The following ROBO1 variants were observed in gnomAD, a reference collection of about 807,000 sequenced individuals.
ROBO1 encodes roundabout guidance receptor 1.
ROBO1 carries 149 observed loss-of-function variants against 195.9 expected under a neutral mutation model. That is an observed-to-expected ratio of 0.76 (90% CI 0.67 to 0.87). The LOEUF (loss-of-function observed/expected upper bound fraction) is 0.87, where lower values mean the gene tolerates loss of function less well. Among genes scored for constraint, ROBO1 ranks in the 40% least tolerant of loss-of-function variants. The probability of loss-of-function intolerance (pLI) is 0.00; values close to 1 mark genes in which losing one functional copy is unlikely to be tolerated. For synonymous variants in ROBO1, 816 were observed against 733.2 expected (o/e 1.11, Z -1.82); for missense variants, 1,933 against 2,068.3 (o/e 0.93, Z 1.27).
chr3:78,949,012 G>T lies in ROBO1; in HGVS notation c.173-10085C>A, dbSNP rs531630014. ...ACCACTGCTCAAGGAAATAAAAGAG[G>T]ATACAAACAAATGGAAGAACATTCC... On this transcript the variant is annotated intron_variant, in intron 3 of 30. Coordinates refer to ENST00000464233, the MANE Select transcript of ROBO1 (RefSeq NM_002941.4). Among the ~76,000 whole-genome samples the T allele has an allele frequency of 1.3e-4, 19 of 148,204 alleles. 1 individual carries two copies. The highest frequency in any genetic ancestry group is 4.8e-4 in the African/African-American group (19 of 39,654).
chr3:79,079,359 T>C (rs564327999), intron 3 of ROBO1, among the ~76,000 whole-genome samples: 1 of 151,918 alleles, frequency 6.6e-6, no homozygotes, highest in South Asian at 2.1e-4. Context: ...GAATTTTAAA[T>C]AGGAATAAGT....
chr3:79,681,531 A>G (rs1002987825), intron 1 of ROBO1, among the ~76,000 whole-genome samples: 9 of 152,018 alleles, frequency 5.9e-5, no homozygotes, highest in African/African-American at 2.2e-4. Context: ...TTTGGAATGT[A>G]AAGTGTGAAA....
intron 1 of ROBO1, among the ~76,000 whole-genome samples, chr3:79,629,256 A>G (rs1050784399): frequency 6.6e-6 from 1 of 152,114 alleles, no homozygotes; most frequent in Non-Finnish European, 1.5e-5. Flanking sequence ...CTGTGCCATA[A>G]AATAAGTCTC....
chr3:78,666,400 T>G (rs1445154865), intron 14 of ROBO1, among the ~76,000 whole-genome samples: 1 of 152,220 alleles, frequency 6.6e-6, no homozygotes, highest in African/African-American at 2.4e-5. Flanking sequence ...GGTTACATAT[T>G]CCAGAATCAT....
chr3:79,644,343 A>T (rs1047489161), intron 1 of ROBO1, among the ~76,000 whole-genome samples: 9 of 152,162 alleles, frequency 5.9e-5, no homozygotes, highest in African/African-American at 2.2e-4. Flanking sequence ...TAAACTACAT[A>T]TGTATTAATT....
At chr3:79,608,017 T>C (rs1406898713) in intron 1 of ROBO1, among the ~76,000 whole-genome samples, 1 of 152,014 alleles carries the variant, frequency 6.6e-6, no homozygotes, top group South Asian at 2.1e-4. Flanking sequence ...CATTGATCAA[T>C]TAGTACGATT....
chr3:78,710,898 T>G (rs1473013070), intron 8 of ROBO1, among the ~76,000 whole-genome samples: 2 of 152,218 alleles, frequency 1.3e-5, no homozygotes, highest in African/African-American at 2.4e-5. Context: ...ATTTATGTGC[T>G]CCAACCCAGA....
At chr3:78,771,717 A>G (rs571270490) in intron 4 of ROBO1, among the ~76,000 whole-genome samples, 3 of 152,250 alleles carry the variant, frequency 2.0e-5, no homozygotes, top group Non-Finnish European at 2.9e-5. Context: ...ATTGGTGTAT[A>G]CAAATTTTTG....
At chr3:79,011,052 C>T (rs890637471) in intron 3 of ROBO1, among the ~76,000 whole-genome samples, 2 of 152,156 alleles carry the variant, frequency 1.3e-5, no homozygotes, top group Non-Finnish European at 2.9e-5. Flanking sequence ...TTTACTCAGA[C>T]AACTTGCTAA....
chr3:79,626,349 A>G (rs942460802), intron 1 of ROBO1, among the ~76,000 whole-genome samples: 1 of 152,146 alleles, frequency 6.6e-6, no homozygotes. Flanking sequence ...AGGCAGGAAT[A>G]TCACTTGAAC....
chr3:79,583,788 G>C (rs539822278), intron 2 of ROBO1, among the ~76,000 whole-genome samples: 1 of 151,918 alleles, frequency 6.6e-6, no homozygotes, highest in Non-Finnish European at 1.5e-5. Flanking sequence ...GATGAACTAT[G>C]CAAGTAATTT....
At chr3:79,554,461 G>T (rs895514049) in intron 2 of ROBO1, among the ~76,000 whole-genome samples, 3 of 152,032 alleles carry the variant, frequency 2.0e-5, no homozygotes, top group African/African-American at 7.2e-5. Context: ...TGCATGAAAG[G>T]ATGGTTAAAA....
intron 2 of ROBO1, among the ~76,000 whole-genome samples, chr3:79,570,848 G>A (rs1018951579): frequency 6.6e-6 from 1 of 151,986 alleles, no homozygotes; most frequent in African/African-American, 2.4e-5. Context: ...TTGAATCAAA[G>A]GAAAAATTAA....
rs750158094 is a variant in ROBO1, at chr3:78,963,494, GTTTTTTTT to G, written c.173-24575_173-24568del. Among the ~76,000 whole-genome samples, 24 of 72,310 alleles carry G rather than the reference GTTTTTTTT, an allele frequency of 3.3e-4. No individual in the cohort carries two copies. The East Asian group carries it at 8.4e-3, about 25-fold the overall frequency. 47.4% of individuals were successfully genotyped at this position (72,310 alleles called of 152,430 possible). On this transcript the variant is annotated intron_variant, in intron 3 of 30. Transcript: ENST00000464233. ...GAGAAGATCCAGAGGAAAACCTTCA[GTTTTTTTT>G]TTTTTTTTTTTTTTTTTTCTTTTTT...
At chr3:78,840,305 A>G (rs1169870915) in intron 4 of ROBO1, among the ~76,000 whole-genome samples, 1 of 152,246 alleles carries the variant, frequency 6.6e-6, no homozygotes, top group Non-Finnish European at 1.5e-5. Context: ...TGAAACAAAC[A>G]GTCCATAGAT....
intron 1 of ROBO1, among the ~76,000 whole-genome samples, chr3:79,727,400 T>C (rs1009119692): frequency 1.3e-5 from 2 of 152,198 alleles, no homozygotes; most frequent in African/African-American, 4.8e-5. Flanking sequence ...ATATTGACAC[T>C]GCAATTCATA....
intron 2 of ROBO1, among the ~76,000 whole-genome samples, chr3:79,327,971 A>C (rs2109157103): frequency 6.6e-6 from 1 of 152,326 alleles, no homozygotes; most frequent in South Asian, 2.1e-4. Flanking sequence ...CATTAGACAT[A>C]ATGAGTAAAT....
chr3:79,535,384 T>A (rs1941817920), intron 2 of ROBO1, among the ~76,000 whole-genome samples: 1 of 152,158 alleles, frequency 6.6e-6, no homozygotes, highest in South Asian at 2.1e-4. Context: ...TAGGACACCA[T>A]TTTTTAGCAT....
intron 2 of ROBO1, among the ~76,000 whole-genome samples, chr3:79,488,069 A>T (rs190671288): frequency 6.6e-6 from 1 of 152,266 alleles, no homozygotes; most frequent in East Asian, 1.9e-4. Context: ...AGACTCTGTT[A>T]GCTGTTCCTG....
Sources: gnomAD v4.1 joint callset for allele counts (sites outside exome capture counted in the v4.1 genomes callset) on GRCh38, gnomAD v4.1.1 for gene constraint, MANE v1.5 for transcripts, NCBI Gene and HGNC (gene_info 2026-07-23, HGNC 2026-07-21) for gene names.